The following ZNF782 variants were observed in gnomAD, a reference collection of about 807,000 sequenced individuals.
ZNF782 encodes zinc finger protein 782.
Under a neutral mutation model 13.0 loss-of-function variants are expected in ZNF782, and 12 were observed. That is an observed-to-expected ratio of 0.92 (90% CI 0.59 to 1.50). The LOEUF is 1.50. Ranked by LOEUF, ZNF782 falls within the 40% of genes most tolerant of loss-of-function variation. The probability of loss-of-function intolerance (pLI) is 0.00; values close to 1 mark genes in which losing one functional copy is unlikely to be tolerated. For synonymous variants in ZNF782, 284 were observed against 283.0 expected (o/e 1.00, Z -0.04); for missense variants, 770 against 822.9 (o/e 0.94, Z 0.79).
chr9:96,877,557 G>T (rs1007397359), upstream of ZNF782, among the ~76,000 whole-genome samples: 1 of 152,244 alleles, frequency 6.6e-6, no homozygotes, highest in Non-Finnish European at 1.5e-5. Flanking sequence ...CAAGACTGGG[G>T]GCTTCCCCAT....
intron 3 of ZNF782, 108 bp downstream of exon 3, chr9:96,851,839 C>T: frequency 6.2e-6 from 7 of 1,133,216 alleles, no homozygotes; most frequent in African/African-American, 1.6e-5. Flanking sequence ...TATATATTTT[C>T]CCTCAAGATT....
chr9:96,880,394 C>G (rs932844354), upstream of ZNF782, among the ~76,000 whole-genome samples: 2 of 152,116 alleles, frequency 1.3e-5, no homozygotes, highest in African/African-American at 2.4e-5. Flanking sequence ...CTTTAGCCAT[C>G]AAGTGTGATG....
the ZNF782 span, among the ~76,000 whole-genome samples, chr9:96,925,628 CAAAAAAAAA>C: frequency 1.2e-5 from 1 of 85,594 alleles, no homozygotes; most frequent in East Asian, 4.0e-4. Context: ...GACTCTATCT[CAAAAAAAAA>C]AAAAAAAAAA....
intron 3 of ZNF782, among the ~76,000 whole-genome samples, chr9:96,846,330 C>G (rs1021238290): frequency 6.6e-6 from 1 of 152,114 alleles, no homozygotes; most frequent in Non-Finnish European, 1.5e-5. Context: ...AGAACAGTAT[C>G]TCACATCTCA....
chr9:96,846,248 A>G (rs1431084720), intron 3 of ZNF782, among the ~76,000 whole-genome samples: 3 of 152,226 alleles, frequency 2.0e-5, no homozygotes, highest in Non-Finnish European at 4.4e-5. Context: ...ACCTCTTGAA[A>G]GCTTAAAACT....
the ZNF782 span, among the ~76,000 whole-genome samples, chr9:96,907,437 T>C: frequency 6.6e-6 from 1 of 152,240 alleles, no homozygotes; most frequent in Admixed American, 6.5e-5. Context: ...AATATGAATA[T>C]ATTAAACCAT....
the ZNF782 span, among the ~76,000 whole-genome samples, chr9:96,913,676 C>T: frequency 2.0e-5 from 3 of 151,676 alleles, no homozygotes; most frequent in Non-Finnish European, 1.5e-5. Context: ...GCATGGGCCA[C>T]CACACCTAGC....
chr9:96,881,536 C>G, the ZNF782 span, among the ~76,000 whole-genome samples: 2 of 151,956 alleles, frequency 1.3e-5, no homozygotes, highest in Non-Finnish European at 2.9e-5. Flanking sequence ...GTTGCATAAA[C>G]CAATGGAAAA....
At chr9:96,834,173 C>A (rs1588156753) in intron 4 of ZNF782, among the ~76,000 whole-genome samples, 1 of 152,234 alleles carries the variant, frequency 6.6e-6, no homozygotes, top group East Asian at 1.9e-4. Context: ...ATCCCCACGT[C>A]ATGGGACGGA....
rs748008008 is a variant in ZNF782 at position 96,819,312 on chromosome 9, G to A, written c.711C>T (p.His237=). The A allele has an allele frequency of 5.0e-6, 8 of 1,611,654 alleles. No homozygotes were observed. The South Asian group carries it at 8.9e-5, about 18-fold the overall frequency. ...TGAAATTGTAAGATTTTCCTTTTGG[G>A]TGGGTACTGTTAGATGTAACAAGGG... ...KAALVTSNST[H]PKGKSYNFNK... is the part of the protein sequence containing the mutation. The change falls in exon 6 of 6, where the codon CAC becomes CAT. Residue 237 remains histidine, a synonymous_variant. Coordinates refer to ENST00000481138, the MANE Select transcript of ZNF782 (RefSeq NM_001001662.3).
the ZNF782 span, chr9:96,931,670 A>G: frequency 1.0e-5 from 16 of 1,604,990 alleles, no homozygotes; most frequent in Admixed American, 6.7e-5. Flanking sequence ...CCCAGTGACT[A>G]GAGTGGACCT....
At chr9:96,929,496 T>C in the ZNF782 span, among the ~76,000 whole-genome samples, 1 of 151,760 alleles carries the variant, frequency 6.6e-6, no homozygotes, top group African/African-American at 2.4e-5. Context: ...AGAAGTGGTC[T>C]CAGCCAGAAA....
the ZNF782 span, among the ~76,000 whole-genome samples, chr9:96,907,677 G>C: frequency 2.0e-5 from 3 of 151,270 alleles, no homozygotes; most frequent in South Asian, 6.3e-4. Context: ...TTCACTCTTG[G>C]TCGCCCAGGC....
rs925039895 is a variant in ZNF782, at chr9:96,816,664, T to C, written c.*1259A>G. On this transcript the variant is annotated 3_prime_UTR_variant, in exon 6 of 6. Transcript: ENST00000481138. ...TTGTAACAAGCTCTGATATAAAATA[T>C]GATAATTTGTTGAAAACTTTTACAC... 2.0e-5 allele frequency: 3 copies of C among 152,240 alleles called. No individual in the cohort carries two copies. Among genetic ancestry groups the C allele is most frequent in the Non-Finnish European group, 2.9e-5 (2 of 68,048 alleles). 9.4% of individuals were successfully genotyped at this position (152,240 alleles called of 1,614,324 possible).
chr9:96,829,133 GTA>G (rs1331438902), intron 4 of ZNF782, among the ~76,000 whole-genome samples: 1 of 147,878 alleles, frequency 6.8e-6, no homozygotes, highest in Non-Finnish European at 1.5e-5. Flanking sequence ...CAACTGATGT[GTA>G]TTACGAGAAA....
intron 4 of ZNF782, among the ~76,000 whole-genome samples, chr9:96,833,177 C>T (rs533014835): frequency 5.9e-5 from 9 of 152,266 alleles, no homozygotes; most frequent in African/African-American, 1.7e-4. Context: ...TACCTAGCAA[C>T]CAATTTCCCT....
At chr9:96,910,198 G>A in the ZNF782 span, 3 of 782,980 alleles carry the variant, frequency 3.8e-6, no homozygotes, top group African/African-American at 1.8e-5. Context: ...ATGCTAATGA[G>A]GAAAATGGGG....
At chr9:96,842,251 A>G (rs1851211593) in intron 4 of ZNF782, among the ~76,000 whole-genome samples, 2 of 152,054 alleles carry the variant, frequency 1.3e-5, no homozygotes, top group Admixed American at 1.3e-4. Context: ...GACTCAAAAC[A>G]GTAAAGATGT....
the ZNF782 span, among the ~76,000 whole-genome samples, chr9:96,930,855 C>A: frequency 8.4e-6 from 1 of 118,370 alleles, no homozygotes; most frequent in East Asian, 3.0e-4. Flanking sequence ...CTGGCTTGGG[C>A]GAGTTTCCAT....
Sources: gnomAD v4.1 joint callset for allele counts (sites outside exome capture counted in the v4.1 genomes callset) on GRCh38, gnomAD v4.1.1 for gene constraint, MANE v1.5 for transcripts, NCBI Gene and HGNC (gene_info 2026-07-23, HGNC 2026-07-21) for gene names.